The following TJP2 variants were observed in gnomAD, a reference collection of about 807,000 sequenced individuals.
TJP2 encodes tight junction protein 2.
Under a neutral mutation model 133.1 loss-of-function variants are expected in TJP2, and 91 were observed. That is an observed-to-expected ratio of 0.68 (90% CI 0.58 to 0.81). TJP2 has a LOEUF of 0.81. TJP2 is among the 40% of genes least tolerant of loss of function. TJP2 has a pLI of 0.00. For missense variants in TJP2, 1,541 were observed against 1,565.6 expected (o/e 0.98, Z 0.26); for synonymous variants, 592 against 583.4 (o/e 1.01, Z -0.21).
At chr9:69,203,449 C>A (rs1334528463) in intron 1 of TJP2, among the ~76,000 whole-genome samples, 5 of 151,528 alleles carry the variant, frequency 3.3e-5, no homozygotes, top group Non-Finnish European at 7.4e-5. Flanking sequence ...TTACAGGCAC[C>A]CGCCAACATG....
At chr9:69,155,439 C>T (rs540856048) in intron 2 of TJP2, among the ~76,000 whole-genome samples, 4 of 152,328 alleles carry the variant, frequency 2.6e-5, no homozygotes, top group East Asian at 1.9e-4. Flanking sequence ...AGTGGCACAT[C>T]GGTATCGCCT....
At chr9:69,181,742 C>CT (rs576689877) in intron 1 of TJP2, among the ~76,000 whole-genome samples, 277 of 147,624 alleles carry the variant, frequency 1.9e-3, no homozygotes, top group Admixed American at 3.2e-3. Flanking sequence ...TGCTTGCTTT[C>CT]TTTTTTTTTT....
chr9:69,237,241 A>T, intron 14 of TJP2, 105 bp downstream of exon 14: 7 of 1,350,416 alleles, frequency 5.2e-6, no homozygotes, highest in Non-Finnish European at 7.4e-6. Context: ...TATGTCAGTT[A>T]TGCCAAAGGC....
chr9:69,248,059 C>T lies in TJP2; in HGVS notation c.2715C>T (p.Thr905=), dbSNP rs2282336. 0.23 allele frequency: 365,126 copies of T among 1,613,470 alleles called. 45,433 individuals are homozygous for T. The highest frequency in any genetic ancestry group is 0.48 in the Admixed American group (28,807 of 59,982). The change falls in exon 19 of 23, where the codon ACC becomes ACT. Residue 905 remains threonine, a synonymous_variant. Coordinates refer to ENST00000377245, the MANE Select transcript of TJP2 (RefSeq NM_004817.4). ...CCGAAGACCGCATGTCCTACTTAACCGCCATGGGCGCGGACTATCTGAGTT... is the reference window on the plus strand; with the variant it reads ...CCGAAGACCGCATGTCCTACTTAACTGCCATGGGCGCGGACTATCTGAGTT... The part of the protein sequence containing the change: ...DDPEDRMSYL[T]AMGADYLSCD...
chr9:69,254,690 AG>A lies in TJP2; in HGVS notation c.*317del. On this transcript the variant is annotated 3_prime_UTR_variant, in exon 23 of 23. Coordinates refer to ENST00000377245, the MANE Select transcript of TJP2 (RefSeq NM_004817.4). The stretch of plus-strand genomic sequence containing the variant: ...TTGCGTACTTGTAATATGTATATTA[AG>A]AAGCAATAACTATTTTTCCTCATTA... The A allele has an allele frequency of 1.7e-6, 1 of 577,890 alleles. No homozygotes were observed. Among genetic ancestry groups the A allele is most frequent in the Non-Finnish European group, 3.1e-6 (1 of 325,234 alleles). The allele number at this position is 577,890 out of a possible 1,614,324, so 35.8% of individuals were successfully genotyped here. A position where few individuals can be genotyped will look rare whatever the true frequency, so the allele number is the denominator to read the frequency against.
intron 18 of TJP2, 98 bp downstream of exon 18, chr9:69,246,888 T>A: frequency 9.4e-7 from 1 of 1,059,580 alleles, no homozygotes; most frequent in Non-Finnish European, 1.5e-6. Flanking sequence ...CCATTTGAAG[T>A]GATGCTCACA....
At chr9:69,162,445 G>A (rs908076850) in intron 2 of TJP2, among the ~76,000 whole-genome samples, 21 of 152,092 alleles carry the variant, frequency 1.4e-4, no homozygotes, top group African/African-American at 4.6e-4. Flanking sequence ...TTCTGCGTGA[G>A]TCTTACAAGC....
At chr9:69,215,080 C>T (rs1348241995) in intron 2 of TJP2, among the ~76,000 whole-genome samples, 1 of 152,154 alleles carries the variant, frequency 6.6e-6, no homozygotes, top group Non-Finnish European at 1.5e-5. Context: ...AAACCAAATA[C>T]TGCATGTTCT....
chr9:69,242,093 A>AG (rs1830615204), intron 17 of TJP2, among the ~76,000 whole-genome samples: 1 of 152,344 alleles, frequency 6.6e-6, no homozygotes, highest in East Asian at 1.9e-4. Context: ...TGCATTGTAG[A>AG]GGAAGAACTA....
At chr9:69,135,636 T>A (rs1822699559) in intron 1 of TJP2, among the ~76,000 whole-genome samples, 1 of 151,652 alleles carries the variant, frequency 6.6e-6, no homozygotes, top group Admixed American at 6.6e-5. Flanking sequence ...AGACGGAGTT[T>A]TACTCTTTTG....
intron 1 of TJP2, 75 bp downstream of exon 1, chr9:69,174,507 C>G (rs979371448): frequency 1.4e-6 from 2 of 1,450,456 alleles, no homozygotes; most frequent in Non-Finnish European, 1.9e-6. Context: ...GGGCTCTGCT[C>G]GCGTGCTGCT....
At chr9:69,203,690 T>C (rs577281411) in intron 1 of TJP2, among the ~76,000 whole-genome samples, 7 of 139,986 alleles carry the variant, frequency 5.0e-5, no homozygotes, top group African/African-American at 1.9e-4. Flanking sequence ...CTCAGGTCAC[T>C]GCAACCTCCG....
chr9:69,176,262 G>T (rs972231081), intron 1 of TJP2, among the ~76,000 whole-genome samples: 1 of 152,230 alleles, frequency 6.6e-6, no homozygotes, highest in Admixed American at 6.5e-5. Flanking sequence ...ACCGGGCTGA[G>T]TGAGGTCTGA....
chr9:69,159,905 ATATG>A (rs1463206022), intron 2 of TJP2, among the ~76,000 whole-genome samples: 1,121 of 57,248 alleles, frequency 0.02, 14 homozygotes, highest in African/African-American at 0.048. Context: ...ATATATATAT[ATATG>A]TGTGTGTGTG....
chr9:69,191,038 C>T (rs1355316533), intron 1 of TJP2, among the ~76,000 whole-genome samples: 1 of 152,158 alleles, frequency 6.6e-6, no homozygotes, highest in Admixed American at 6.5e-5. Flanking sequence ...AGGATGCTGA[C>T]TTGTGGGAAG....
intron 1 of TJP2, among the ~76,000 whole-genome samples, chr9:69,148,754 C>A (rs1823333575): frequency 6.6e-6 from 1 of 152,128 alleles, no homozygotes; most frequent in Non-Finnish European, 1.5e-5. Context: ...TTGGCCAAAA[C>A]GAATGGCTAC....
rs987281897 is a variant in TJP2, at chr9:69,221,251, A to T, written c.707A>T (p.Asp236Val). The change falls in exon 5 of 23, where the codon GAC (aspartate) becomes GTC (valine). Residue 236 changes from aspartate (D) to valine (V), a missense_variant. Coordinates refer to ENST00000377245, the MANE Select transcript of TJP2 (RefSeq NM_004817.4). Reference sequence around the variant, plus strand: ...GACTTTGGGCCATCCCGGGACCGGGACCGTGACCGCAGCCGCGGCCGGAGC... The same window carrying T: ...GACTTTGGGCCATCCCGGGACCGGGTCCGTGACCGCAGCCGCGGCCGGAGC... ...DHDFGPSRDR[D>V]RDRSRGRSID... The T allele has an allele frequency of 4.4e-6, 7 of 1,608,098 alleles. No homozygotes were observed. Among genetic ancestry groups the T allele is most frequent in the Non-Finnish European group, 5.9e-6 (7 of 1,177,720 alleles).
chr9:69,218,527 T>C (rs1828562885), intron 4 of TJP2, 168 bp downstream of exon 4: 1 of 665,536 alleles, frequency 1.5e-6, no homozygotes. Flanking sequence ...GTAAGTTATC[T>C]TCCTACTTTT....
chr9:69,182,087 A>G (rs1825555952), intron 1 of TJP2, among the ~76,000 whole-genome samples: 2 of 152,176 alleles, frequency 1.3e-5, no homozygotes, highest in African/African-American at 2.4e-5. Context: ...GTTCTTCACA[A>G]ATGTGTTGAA....
Sources: gnomAD v4.1 joint callset for allele counts (sites outside exome capture counted in the v4.1 genomes callset) on GRCh38, gnomAD v4.1.1 for gene constraint, MANE v1.5 for transcripts, NCBI Gene and HGNC (gene_info 2026-07-23, HGNC 2026-07-21) for gene names.